Variants in PDZD2 observed in about 807,000 individuals in gnomAD.
The protein encoded by PDZD2 is PDZ domain-containing protein 2.
Under a neutral mutation model 220.7 loss-of-function variants are expected in PDZD2, and 90 were observed. That is an observed-to-expected ratio of 0.41 (90% CI 0.34 to 0.49). The LOEUF (loss-of-function observed/expected upper bound fraction) is 0.49, where lower values mean the gene tolerates loss of function less well. Among genes scored for constraint, PDZD2 ranks in the 20% least tolerant of loss-of-function variants. The probability of loss-of-function intolerance (pLI) is 0.28; values close to 1 mark genes in which losing one functional copy is unlikely to be tolerated. For missense variants in PDZD2, 3,174 were observed against 3,608.5 expected (o/e 0.88, Z 3.08); for synonymous variants, 1,375 against 1,450.5 (o/e 0.95, Z 1.18).
At chr5:31,747,573 C>T (rs1750676343) in intron 1 of PDZD2, 1 of 152,278 alleles carries the variant, frequency 6.6e-6, no homozygotes, top group Non-Finnish European at 1.5e-5. Flanking sequence ...ACCCAAGCAT[C>T]CACCTCCTTT....
chr5:31,780,615 A>C (rs541181420), intron 1 of PDZD2, among the ~76,000 whole-genome samples: 18 of 152,204 alleles, frequency 1.2e-4, no homozygotes, highest in South Asian at 4.1e-4. Context: ...CAGAAGTTTA[A>C]ATTTGCATGT....
At chr5:32,050,312 CCTG>C (rs1738402963) in intron 8 of PDZD2, among the ~76,000 whole-genome samples, 1 of 152,172 alleles carries the variant, frequency 6.6e-6, no homozygotes, top group African/African-American at 2.4e-5. Flanking sequence ...TCTTAACTGA[CCTG>C]CTGAGGAAAC....
At chr5:31,758,544 G>A (rs186374013) in intron 1 of PDZD2, among the ~76,000 whole-genome samples, 1 of 152,334 alleles carries the variant, frequency 6.6e-6, no homozygotes, top group Admixed American at 6.5e-5. Flanking sequence ...TGACTGGGCC[G>A]ATGGGCCCCG....
intron 2 of PDZD2, among the ~76,000 whole-genome samples, chr5:31,822,338 A>G (rs573313315): frequency 7.1e-6 from 1 of 140,970 alleles, no homozygotes; most frequent in South Asian, 2.2e-4. Flanking sequence ...GTGCAGTGGC[A>G]TGATCTCAGC....
chr5:32,079,365 C>A (rs1321237458), intron 19 of PDZD2, among the ~76,000 whole-genome samples: 3 of 151,702 alleles, frequency 2.0e-5, no homozygotes, highest in African/African-American at 4.8e-5. Flanking sequence ...TGACTGTGAT[C>A]CCACTTGTCG....
Position 31,851,007 on chromosome 5 carries a change from C to G in PDZD2, c.476+51283C>G, listed in dbSNP as rs1758028246. Among the ~76,000 whole-genome samples the G allele has an allele frequency of 5.3e-5, 8 of 152,060 alleles. No individual in the cohort carries two copies. In the South Asian group the frequency reaches 1.7e-3, roughly 32 times the overall value. The stretch of plus-strand genomic sequence containing the variant: ...TCTGTAGAGATGATGAACAGCTGGT[C>G]GGTATCCTCTTTATAATAACCCTTC... On this transcript the variant is annotated intron_variant, in intron 2 of 24. Coordinates refer to ENST00000438447, the MANE Select transcript of PDZD2 (RefSeq NM_178140.4).
chr5:31,837,731 AT>A (rs886559528), intron 2 of PDZD2, among the ~76,000 whole-genome samples: 32 of 150,858 alleles, frequency 2.1e-4, no homozygotes, highest in Non-Finnish European at 2.4e-4. Flanking sequence ...TCTCAAAAAA[AT>A]AAAAATTAGC....
At chr5:31,965,467 G>C (rs536524022) in intron 2 of PDZD2, among the ~76,000 whole-genome samples, 2 of 152,344 alleles carry the variant, frequency 1.3e-5, no homozygotes, top group Non-Finnish European at 1.5e-5. Context: ...TGTGGGGCAA[G>C]GGCAAGAAGA....
At chr5:31,750,828 A>T (rs1204696133) in intron 1 of PDZD2, among the ~76,000 whole-genome samples, 1 of 152,098 alleles carries the variant, frequency 6.6e-6, no homozygotes, top group African/African-American at 2.4e-5. Context: ...GAGTGGAGTG[A>T]GTAGGGTGGG....
At position 31,854,923 on chromosome 5, in the gene PDZD2, G is replaced by A. The variant is rs1055792639; in HGVS notation, c.476+55199G>A. The A allele has an allele frequency of 4.2e-6, 4 of 962,130 alleles. No homozygotes were observed. The African/African-American group carries it at 7.0e-5, about 17-fold the overall frequency. 59.6% of individuals were successfully genotyped at this position (962,130 alleles called of 1,614,324 possible). On this transcript the variant is annotated intron_variant, in intron 2 of 24. Transcript: ENST00000438447. ...CGCGGCGCGGAGGGAGGAGGGGGGG[G>A]TCCTCCCACAGACCTGGAGCCGGCG...
intron 19 of PDZD2, chr5:32,077,928 G>A (rs145973384): frequency 0.026 from 4,196 of 159,246 alleles, 189 homozygotes; most frequent in African/African-American, 0.12. Flanking sequence ...TTGCACTGCA[G>A]CCTGGGCAAC....
chr5:32,025,802 T>C (rs1754611270), intron 6 of PDZD2, among the ~76,000 whole-genome samples: 2 of 151,850 alleles, frequency 1.3e-5, no homozygotes, highest in Non-Finnish European at 2.9e-5. Flanking sequence ...GATTTCACTA[T>C]GTTGCCCAGG....
At chr5:31,862,086 A>G (rs538774817) in intron 2 of PDZD2, among the ~76,000 whole-genome samples, 6 of 141,986 alleles carry the variant, frequency 4.2e-5, no homozygotes, top group Non-Finnish European at 9.1e-5. Flanking sequence ...AATAGACTCA[A>G]TGTTTTTTTT....
At chr5:31,942,546 T>C (rs1178019829) in intron 2 of PDZD2, among the ~76,000 whole-genome samples, 4 of 152,226 alleles carry the variant, frequency 2.6e-5, no homozygotes, top group African/African-American at 9.6e-5. Flanking sequence ...CCTAACTTGC[T>C]GTAACCTTGA....
At chr5:31,763,423 A>C (rs937394290) in intron 1 of PDZD2, among the ~76,000 whole-genome samples, 2 of 152,218 alleles carry the variant, frequency 1.3e-5, no homozygotes, top group Non-Finnish European at 2.9e-5. Context: ...ACAAGAAATA[A>C]AGAAACTCAT....
At chr5:31,964,715 T>C (rs891681190) in intron 2 of PDZD2, among the ~76,000 whole-genome samples, 3 of 152,198 alleles carry the variant, frequency 2.0e-5, no homozygotes, top group African/African-American at 7.2e-5. Context: ...TTTTTGCCTT[T>C]TTTTTATTTT....
rs148952035 is a variant in PDZD2 at position 32,038,166 on chromosome 5, G to A, written c.1519+824G>A. ...AAAAGGCATTTTTTAGGCACATGAT[G>A]GGTCTTTTCCTCCATTAAAAAAAAA... On this transcript the variant is annotated intron_variant, in intron 7 of 24. Coordinates refer to ENST00000438447, the MANE Select transcript of PDZD2 (RefSeq NM_178140.4). Among the ~76,000 whole-genome samples, 1,035 of 133,560 alleles carry A rather than the reference G, an allele frequency of 7.7e-3. 5 individuals are homozygous for A. The highest frequency in any genetic ancestry group is 0.011 in the Non-Finnish European group (692 of 62,772). The allele number at this position is 133,560 out of a possible 152,430, so 87.6% of individuals were successfully genotyped here. A position where few individuals can be genotyped will look rare whatever the true frequency, so the allele number is the denominator to read the frequency against.
In PDZD2 at chr5:32,074,363, A is replaced by C; in HGVS notation, c.3257A>C (p.Lys1086Thr). The C allele has an allele frequency of 6.2e-7, 1 of 1,614,122 alleles. No homozygotes were observed. Among genetic ancestry groups the C allele is most frequent in the Non-Finnish European group, 8.5e-7 (1 of 1,180,024 alleles). ...CTGTCAGGATCAAGTAGCGCACCCA[A>C]ATTGGAATACACAGTCCGTACAGAC... ...KELSGSSSAP[K>T]LEYTVRTDTQ... is the part of the protein sequence containing the mutation. Residue 1086 changes from lysine (K) to threonine (T), a missense_variant, in exon 18 of 25, where the codon AAA becomes ACA. This residue lies in a region of PDZD2 where 1,861 missense variants were observed against 2,001.0 expected (regional missense o/e 0.93). Transcript: ENST00000438447.
chr5:31,995,210 T>A lies in PDZD2; in HGVS notation c.979-366T>A, dbSNP rs1455012987. ...AGGAAATTTAATCACTTTGCTATGC[T>A]GCCCATAGCATAGTCATTAGCCACA... On this transcript the variant is annotated intron_variant, in intron 3 of 24. Transcript: ENST00000438447. 2.6e-5 allele frequency among the ~76,000 whole-genome samples: 4 copies of A among 152,194 alleles called. No individual in the cohort carries two copies. The East Asian group carries it at 5.8e-4, about 22-fold the overall frequency.
Sources: allele counts gnomAD v4.1 joint callset (sites outside exome capture counted in the v4.1 genomes callset), GRCh38; gene constraint gnomAD v4.1.1; regional missense constraint gnomAD v4.1.1; transcripts MANE v1.5; gene names NCBI Gene and HGNC (gene_info 2026-07-23, HGNC 2026-07-21).